Variants in RBMS3 observed in about 807,000 individuals in gnomAD.
The protein encoded by RBMS3 is RNA binding motif single stranded interacting protein 3, also known as RNA-binding motif, single-stranded-interacting protein 3.
RBMS3 carries 27 observed loss-of-function variants against 66.8 expected under a neutral mutation model. The ratio of observed to expected loss-of-function variants is 0.40; its 90% confidence interval spans 0.30 to 0.56. The LOEUF is 0.56. Among genes scored for constraint, RBMS3 ranks in the 20% least tolerant of loss-of-function variants. RBMS3 has a pLI of 0.40. For synonymous variants in RBMS3, 188 were observed against 183.0 expected (o/e 1.03, Z -0.22); for missense variants, 513 against 549.5 (o/e 0.93, Z 0.66).
At chr3:29,829,043 T>A (rs1559714992) in intron 6 of RBMS3, among the ~76,000 whole-genome samples, 1 of 48,426 alleles carries the variant, frequency 2.1e-5, no homozygotes, top group African/African-American at 7.6e-5. Context: ...TCTTTCTTTC[T>A]TTCTTTTGTT....
chr3:29,878,435 G>C (rs1241278805), intron 7 of RBMS3, among the ~76,000 whole-genome samples: 1 of 151,964 alleles, frequency 6.6e-6, no homozygotes, highest in African/African-American at 2.4e-5. Flanking sequence ...ATTCTTAGTG[G>C]TTTCCACTAC....
intron 10 of RBMS3, among the ~76,000 whole-genome samples, chr3:29,900,752 T>A (rs1193384066): frequency 6.6e-6 from 1 of 151,802 alleles, no homozygotes; most frequent in African/African-American, 2.4e-5. Flanking sequence ...TGTAAAAAAG[T>A]ATACATGCTA....
intron 8 of RBMS3, among the ~76,000 whole-genome samples, chr3:29,885,909 C>T (rs2059858436): frequency 6.6e-6 from 1 of 151,738 alleles, no homozygotes; most frequent in Non-Finnish European, 1.5e-5. Context: ...GTGACCCAGA[C>T]ATAACTTGTT....
At chr3:29,484,757 T>C (rs533915786) in intron 2 of RBMS3, among the ~76,000 whole-genome samples, 22 of 152,134 alleles carry the variant, frequency 1.4e-4, no homozygotes, top group Admixed American at 2.6e-4. Flanking sequence ...GCTACAGATA[T>C]GCTCCATTAC....
intron 4 of RBMS3, among the ~76,000 whole-genome samples, chr3:29,613,623 TAAG>T (rs1461100531): frequency 6.6e-6 from 1 of 151,962 alleles, no homozygotes; most frequent in Non-Finnish European, 1.5e-5. Context: ...CCAAAATATA[TAAG>T]AAGCTCAAAC....
intron 6 of RBMS3, among the ~76,000 whole-genome samples, chr3:29,841,645 T>C (rs541157143): frequency 2.0e-5 from 3 of 152,118 alleles, no homozygotes; most frequent in African/African-American, 7.2e-5. Context: ...CAATAATTAG[T>C]AGTGACATTA....
intron 4 of RBMS3, among the ~76,000 whole-genome samples, chr3:29,689,969 A>T (rs2051907538): frequency 7.4e-6 from 1 of 135,472 alleles, no homozygotes. Flanking sequence ...AAAGAAAGGG[A>T]GATGCTATTA....
chr3:29,436,482 G>A (rs769186692), intron 2 of RBMS3, among the ~76,000 whole-genome samples: 4 of 152,086 alleles, frequency 2.6e-5, no homozygotes, highest in African/African-American at 9.7e-5. Flanking sequence ...ACAAATATAC[G>A]TTAGATTTTG....
chr3:29,742,571 G>A (rs1052654901), intron 5 of RBMS3, among the ~76,000 whole-genome samples: 6 of 152,120 alleles, frequency 3.9e-5, no homozygotes, highest in Non-Finnish European at 5.9e-5. Flanking sequence ...ATTTTTCGCT[G>A]ACCTCCAATC....
intron 1 of RBMS3, among the ~76,000 whole-genome samples, chr3:29,330,885 A>AT (rs1430711920): frequency 6.6e-6 from 1 of 152,170 alleles, no homozygotes; most frequent in African/African-American, 2.4e-5. Flanking sequence ...CCGGATGGTG[A>AT]TTGAATTGCT....
intron 4 of RBMS3, among the ~76,000 whole-genome samples, chr3:29,679,766 C>CTG (rs1014265487): frequency 2.2e-5 from 2 of 89,390 alleles, no homozygotes; most frequent in Non-Finnish European, 4.4e-5. Flanking sequence ...TACTACTTGA[C>CTG]TGTATATATA....
Position 29,361,414 on chromosome 3 carries a change from T to G in RBMS3, c.76-73329T>G, listed in dbSNP as rs1224072985. ...GGCTTGTAGAGTTTCTGCTGAGAGA[T>G]CCATTGTTAGTCTGATGGGCTTCAC... On this transcript the variant is annotated intron_variant, in intron 1 of 14. Transcript: ENST00000383767. 5.9e-5 allele frequency among the ~76,000 whole-genome samples: 9 copies of G among 152,332 alleles called. No homozygotes were observed. In the East Asian group the frequency reaches 1.7e-3, roughly 29 times the overall value.
intron 4 of RBMS3, among the ~76,000 whole-genome samples, chr3:29,705,140 A>T (rs960395036): frequency 2.0e-5 from 3 of 152,198 alleles, no homozygotes; most frequent in Admixed American, 6.5e-5. Context: ...TAACAATCCT[A>T]TTACACCTTA....
intron 1 of RBMS3, among the ~76,000 whole-genome samples, chr3:29,295,347 A>C (rs1279573628): frequency 1.5e-5 from 2 of 132,038 alleles, no homozygotes; most frequent in African/African-American, 5.1e-5. Flanking sequence ...ATATATATAC[A>C]TATATATATA....
intron 4 of RBMS3, among the ~76,000 whole-genome samples, chr3:29,629,021 C>T (rs1466191615): frequency 6.6e-6 from 1 of 151,912 alleles, no homozygotes; most frequent in Non-Finnish European, 1.5e-5. Context: ...TCCAAACCAC[C>T]CATTCTTGAT....
At chr3:29,808,155 C>A (rs996696563) in intron 6 of RBMS3, among the ~76,000 whole-genome samples, 14 of 151,864 alleles carry the variant, frequency 9.2e-5, no homozygotes, top group Non-Finnish European at 1.2e-4. Flanking sequence ...TCACACGCTA[C>A]TTGGGACCAT....
intron 3 of RBMS3, among the ~76,000 whole-genome samples, chr3:29,499,403 C>A (rs56137216): frequency 0.13 from 20,109 of 152,014 alleles, 1,978 homozygotes; most frequent in African/African-American, 0.27. Context: ...CAAAACAAAA[C>A]AAGCTACAAA....
At chr3:29,826,810 T>A (rs1412994066) in intron 6 of RBMS3, among the ~76,000 whole-genome samples, 1 of 152,172 alleles carries the variant, frequency 6.6e-6, no homozygotes, top group Non-Finnish European at 1.5e-5. Context: ...TGTGCAATCC[T>A]TTCACTTTTC....
chr3:29,757,890 C>G (rs958136895), intron 5 of RBMS3, among the ~76,000 whole-genome samples: 2 of 152,182 alleles, frequency 1.3e-5, no homozygotes, highest in Admixed American at 6.5e-5. Context: ...CATTTTCTTT[C>G]TGTTCCAGGA....
Sources: allele counts gnomAD v4.1 joint callset (sites outside exome capture counted in the v4.1 genomes callset), GRCh38; gene constraint gnomAD v4.1.1; transcripts MANE v1.5; gene names NCBI Gene and HGNC (gene_info 2026-07-23, HGNC 2026-07-21).